SHCBP1L: variants seen among roughly 807,000 people sequenced by gnomAD.
The protein encoded by SHCBP1L is testicular spindle-associated protein SHCBP1L.
In SHCBP1L, 67 loss-of-function variants were observed where a neutral mutation model predicts 62.5. That is an observed-to-expected ratio of 1.07 (90% confidence interval 0.88 to 1.31). SHCBP1L has a LOEUF of 1.31. SHCBP1L is among the 40% of genes most tolerant of loss of function. SHCBP1L has a pLI of 0.00. For missense variants in SHCBP1L, 823 were observed against 809.8 expected (o/e 1.02, Z -0.20); for synonymous variants, 284 against 289.4 (o/e 0.98, Z 0.19).
At chr1:182,911,387 T>G (rs1023420421) in intron 6 of SHCBP1L, among the ~76,000 whole-genome samples, 32 of 152,096 alleles carry the variant, frequency 2.1e-4, no homozygotes, top group African/African-American at 7.5e-4. Context: ...AGGAGTAGAA[T>G]CCAATTTCCA....
chr1:182,926,982 C>A (rs1462166000), intron 6 of SHCBP1L, among the ~76,000 whole-genome samples: 1 of 146,640 alleles, frequency 6.8e-6, no homozygotes, highest in Non-Finnish European at 1.5e-5. Flanking sequence ...TGAAAATCAC[C>A]TAACTAGTAA....
At position 182,930,691 on chromosome 1, in the gene SHCBP1L, G is replaced by A. The variant is rs1266771532; in HGVS notation, c.1077-939C>T. 1.3e-3 allele frequency among the ~76,000 whole-genome samples: 104 copies of A among 77,222 alleles called. 3 individuals are homozygous for A. Among genetic ancestry groups the A allele is most frequent in the African/African-American group, 8.2e-3 (98 of 11,890 alleles). 50.7% of individuals were successfully genotyped at this position (77,222 alleles called of 152,430 possible). ...TGTGTGTGTGTGTGTGTGTGTGTGTGTGTGTGTGTGTGTATATATATATAT... is the reference window on the plus strand; with the variant it reads ...TGTGTGTGTGTGTGTGTGTGTGTGTATGTGTGTGTGTGTATATATATATAT... On this transcript the variant is annotated intron_variant, in intron 5 of 9. Coordinates refer to ENST00000367547, the MANE Select transcript of SHCBP1L (RefSeq NM_030933.4).
At position 182,939,355 on chromosome 1, in the gene SHCBP1L, G is replaced by A. The variant is rs557155752; in HGVS notation, c.897C>T (p.Ile299=). ...DIQDGTIPGP[I]AQRFKKTLEK... ...CCAAAGTTTTTTTAAAACGTTGTGC[G>A]ATAGGACCAGGTATTGTTCCATCCT... The change falls in exon 5 of 10, where the codon ATC becomes ATT. Residue 299 remains isoleucine (I), a synonymous_variant. Coordinates refer to ENST00000367547, the MANE Select transcript of SHCBP1L (RefSeq NM_030933.4). 50 of 1,613,942 alleles carry A rather than the reference G, an allele frequency of 3.1e-5. No individual in the cohort carries two copies. Among genetic ancestry groups the A allele is most frequent in the Middle Eastern group, 3.3e-4 (2 of 6,058 alleles).
chr1:182,927,737 T>C (rs1203014282), intron 6 of SHCBP1L, among the ~76,000 whole-genome samples: 1 of 149,608 alleles, frequency 6.7e-6, no homozygotes, highest in Non-Finnish European at 1.5e-5. Flanking sequence ...TTCATGAACC[T>C]CAAAAGTAAA....
In SHCBP1L at chr1:182,905,626, T is replaced by A. The variant is rs1335670301; in HGVS notation, c.1206A>T (p.Thr402=). Residue 402 remains threonine (T), a synonymous_variant, in exon 7 of 10, where the codon ACA becomes ACT. Coordinates refer to ENST00000367547, the MANE Select transcript of SHCBP1L (RefSeq NM_030933.4). The stretch of plus-strand genomic sequence containing the variant: ...CCAAATCACCATGCTGTTGGAGAAG[T>A]GTGTCTGAAGATAAATCCTTTATCT... The part of the protein sequence containing the change: ...TEMIKDLSSD[T]LLQQHGDLDL... The A allele has an allele frequency of 1.2e-6, 2 of 1,613,504 alleles. No homozygotes were observed. Among genetic ancestry groups the A allele is most frequent in the Non-Finnish European group, 1.7e-6 (2 of 1,179,766 alleles).
At chr1:182,940,667 T>C (rs2101952488) in intron 2 of SHCBP1L, 124 bp from the exon 3 acceptor site, 2 of 688,152 alleles carry the variant, frequency 2.9e-6, no homozygotes, top group East Asian at 5.5e-5. Flanking sequence ...TCTTCAACAA[T>C]CAACATACAG....
At chr1:182,931,762 C>T (rs1651003178) in intron 5 of SHCBP1L, among the ~76,000 whole-genome samples, 1 of 152,076 alleles carries the variant, frequency 6.6e-6, no homozygotes, top group Non-Finnish European at 1.5e-5. Flanking sequence ...CCTATATTGA[C>T]ACATCATTAT....
rs116822518 is a variant in SHCBP1L at position 182,933,472 on chromosome 1, G to C, written c.1077-3720C>G. Reference sequence around the variant, plus strand: ...CAAAAAATGATGACTCTAGCTGTGAGTTTTTCATAGATAGCCTTAAACAGG... The same window carrying C: ...CAAAAAATGATGACTCTAGCTGTGACTTTTTCATAGATAGCCTTAAACAGG... On this transcript the variant is annotated intron_variant, in intron 5 of 9. Coordinates refer to ENST00000367547, the MANE Select transcript of SHCBP1L (RefSeq NM_030933.4). Among the ~76,000 whole-genome samples the C allele has an allele frequency of 4.4e-3, 672 of 152,222 alleles. 8 individuals carry two copies. Among genetic ancestry groups the C allele is most frequent in the African/African-American group, 0.015 (642 of 41,536 alleles).
At chr1:182,944,125 T>TAAATAAA (rs1651471896) in intron 2 of SHCBP1L, among the ~76,000 whole-genome samples, 1 of 143,682 alleles carries the variant, frequency 7.0e-6, no homozygotes, top group Non-Finnish European at 1.5e-5. Flanking sequence ...CTTCTCAAAA[T>TAAATAAA]AAATAAATAA....
At chr1:182,927,797 C>T (rs1387475717) in intron 6 of SHCBP1L, among the ~76,000 whole-genome samples, 1 of 152,046 alleles carries the variant, frequency 6.6e-6, no homozygotes, top group Non-Finnish European at 1.5e-5. Context: ...ACTTTCTCCT[C>T]ACAGTAGTCT....
intron 5 of SHCBP1L, among the ~76,000 whole-genome samples, chr1:182,935,033 T>G (rs949261124): frequency 2.0e-5 from 3 of 152,110 alleles, no homozygotes; most frequent in Non-Finnish European, 4.4e-5. Context: ...TCTATTTCCT[T>G]TCACTGTTCT....
chr1:182,920,536 C>T (rs1650496484), intron 6 of SHCBP1L, among the ~76,000 whole-genome samples: 1 of 152,198 alleles, frequency 6.6e-6, no homozygotes, highest in Non-Finnish European at 1.5e-5. Context: ...CGCCAAACAA[C>T]CACACTAATT....
intron 2 of SHCBP1L, chr1:182,942,018 C>T (rs1553247207): frequency 1.1e-6 from 1 of 905,750 alleles, no homozygotes; most frequent in Non-Finnish European, 1.7e-6. Flanking sequence ...AAAAAACTTG[C>T]ATTTACAAAA....
intron 2 of SHCBP1L, among the ~76,000 whole-genome samples, chr1:182,949,019 C>G (rs1391459231): frequency 6.6e-6 from 1 of 152,132 alleles, no homozygotes; most frequent in Non-Finnish European, 1.5e-5. Context: ...CTCACAAATT[C>G]TAAAGCAAGG....
intron 5 of SHCBP1L, among the ~76,000 whole-genome samples, chr1:182,937,411 T>C (rs1651215286): frequency 6.6e-6 from 1 of 152,210 alleles, no homozygotes; most frequent in Non-Finnish European, 1.5e-5. Context: ...GTAGGTAATG[T>C]GGGTTTTTTC....
At chr1:182,952,656 G>A in intron 1 of SHCBP1L, 73 bp downstream of exon 1, 1 of 1,496,306 alleles carries the variant, frequency 6.7e-7, no homozygotes, top group Non-Finnish European at 8.9e-7. Flanking sequence ...CGCCTAAGAG[G>A]GAAGCCCCAG....
intron 6 of SHCBP1L, among the ~76,000 whole-genome samples, chr1:182,921,036 G>C (rs1650512416): frequency 6.6e-6 from 1 of 151,974 alleles, no homozygotes; most frequent in African/African-American, 2.4e-5. Context: ...ACCCCTATGA[G>C]ATACTATACA....
chr1:182,905,416 T>A, intron 7 of SHCBP1L, 80 bp downstream of exon 7: 1 of 1,348,592 alleles, frequency 7.4e-7, no homozygotes, highest in South Asian at 1.4e-5. Flanking sequence ...TTTCCAATAA[T>A]TCCATTAAGC....
At chr1:182,932,997 C>T (rs1044014258) in intron 5 of SHCBP1L, among the ~76,000 whole-genome samples, 32 of 152,064 alleles carry the variant, frequency 2.1e-4, no homozygotes, top group African/African-American at 7.5e-4. Context: ...CCTCTGCCTC[C>T]CAGGTTCGAG....
Sources: allele counts gnomAD v4.1 joint callset (sites outside exome capture counted in the v4.1 genomes callset), GRCh38; gene constraint gnomAD v4.1.1; transcripts MANE v1.5; gene names NCBI Gene and HGNC (gene_info 2026-07-23, HGNC 2026-07-21).